Variants in SH3GL2 observed in about 807,000 individuals in gnomAD.
SH3GL2 encodes endophilin-A1.
Under a neutral mutation model 46.0 loss-of-function variants are expected in SH3GL2, and 24 were observed. The observed-to-expected ratio is 0.52, with a 90% CI of 0.38 to 0.73. The LOEUF (loss-of-function observed/expected upper bound fraction) is 0.73. Among genes scored for constraint, SH3GL2 ranks in the 30% least tolerant of loss-of-function variants. The pLI, the probability that SH3GL2 is intolerant of heterozygous loss-of-function variation, is 0.00. For synonymous variants in SH3GL2, 196 were observed against 147.1 expected (o/e 1.33, Z -2.40); for missense variants, 413 against 424.2 (o/e 0.97, Z 0.23).
chr9:17,710,838 G>A (rs902443401), intron 1 of SH3GL2, among the ~76,000 whole-genome samples: 1 of 151,860 alleles, frequency 6.6e-6, no homozygotes, highest in Admixed American at 6.6e-5. Flanking sequence ...TTATCTGCAA[G>A]GGGTATGTTC....
intron 1 of SH3GL2, among the ~76,000 whole-genome samples, chr9:17,741,698 G>A (rs1157241170): frequency 6.6e-6 from 1 of 152,172 alleles, no homozygotes; most frequent in African/African-American, 2.4e-5. Context: ...CAAGCGCTGT[G>A]TTAATTACTG....
Position 17,678,490 on chromosome 9 carries a change from C to T in SH3GL2, c.46-68576C>T, listed in dbSNP as rs535383732. 1.3e-3 allele frequency among the ~76,000 whole-genome samples: 197 copies of T among 151,924 alleles called. 1 individual carries two copies. The highest frequency in any genetic ancestry group is 1.7e-3 in the Non-Finnish European group (113 of 67,936). On this transcript the variant is annotated intron_variant, in intron 1 of 8. Transcript: ENST00000380607. Reference sequence around the variant, plus strand: ...CACTTTTTGATGGGGTTGTTTTTTTCTTGTAAATTTGCTTGAGTTCATTGT... The same window carrying T: ...CACTTTTTGATGGGGTTGTTTTTTTTTTGTAAATTTGCTTGAGTTCATTGT...
Position 17,793,379 on chromosome 9 carries a change from T to C in SH3GL2, c.741T>C (p.Ala247=). ...CTTTTTACTGCAGAATAAGACAGGC[T>C]TCATCTCAGCCTAGAAGGGAATATC... ...TVRLEERIRQ[A]SSQPRREYQP... is the part of the protein sequence containing the mutation. Residue 247 remains alanine, a synonymous_variant, in exon 8 of 9, where the codon GCT becomes GCC. Coordinates refer to ENST00000380607, the MANE Select transcript of SH3GL2 (RefSeq NM_003026.5). 3 of 1,612,240 alleles carry C rather than the reference T, an allele frequency of 1.9e-6. No individual in the cohort carries two copies. Among genetic ancestry groups the C allele is most frequent in the South Asian group, 1.1e-5 (1 of 90,760 alleles).
At chr9:17,674,564 A>G (rs188467817) in intron 1 of SH3GL2, among the ~76,000 whole-genome samples, 5 of 152,162 alleles carry the variant, frequency 3.3e-5, no homozygotes, top group African/African-American at 9.6e-5. Context: ...GCCCAAAGCA[A>G]TGAACATGTT....
chr9:17,667,942 T>C (rs917791879), intron 1 of SH3GL2, among the ~76,000 whole-genome samples: 2 of 152,230 alleles, frequency 1.3e-5, no homozygotes. Flanking sequence ...ATTGGTCATT[T>C]GTATGTTTTA....
chr9:17,661,641 T>C (rs528710868), intron 1 of SH3GL2, among the ~76,000 whole-genome samples: 2 of 152,326 alleles, frequency 1.3e-5, no homozygotes, highest in South Asian at 4.1e-4. Context: ...AACAGGATGG[T>C]ACTACATAAA....
chr9:17,784,775 C>A (rs982395238), intron 3 of SH3GL2, among the ~76,000 whole-genome samples: 5 of 152,104 alleles, frequency 3.3e-5, no homozygotes, highest in African/African-American at 1.2e-4. Context: ...TGGAGTGGCA[C>A]CATCATAGCT....
intron 3 of SH3GL2, among the ~76,000 whole-genome samples, chr9:17,786,008 C>T (rs1395405338): frequency 1.3e-5 from 2 of 152,106 alleles, no homozygotes; most frequent in East Asian, 1.9e-4. Flanking sequence ...TAGAGATCAT[C>T]ACATAATTCG....
intron 3 of SH3GL2, among the ~76,000 whole-genome samples, chr9:17,777,582 T>A (rs556587349): frequency 6.6e-6 from 1 of 152,226 alleles, no homozygotes; most frequent in East Asian, 1.9e-4. Context: ...TAGTCCAAGA[T>A]CAAGTTGCTT....
chr9:17,736,317 A>G (rs921820328), intron 1 of SH3GL2, among the ~76,000 whole-genome samples: 19 of 152,232 alleles, frequency 1.2e-4, no homozygotes, highest in African/African-American at 2.4e-4. Flanking sequence ...ACAGGAATCC[A>G]TCTTTCTGAG....
chr9:17,791,197 A>G (rs777239745), intron 6 of SH3GL2, 34 bp from the exon 7 acceptor site: 15 of 1,491,758 alleles, frequency 1.0e-5, no homozygotes, highest in Non-Finnish European at 1.3e-5. Flanking sequence ...GGTAACGTGT[A>G]AAACTAAGGC....
intron 1 of SH3GL2, among the ~76,000 whole-genome samples, chr9:17,731,373 T>C (rs1588281833): frequency 6.8e-6 from 1 of 147,470 alleles, no homozygotes; most frequent in African/African-American, 2.6e-5. Context: ...ATTTGTGCCC[T>C]TAAAAGAAGA....
In SH3GL2 at chr9:17,632,002, T is replaced by C. The variant is rs565254679; in HGVS notation, c.45+52715T>C. On this transcript the variant is annotated intron_variant, in intron 1 of 8. Coordinates refer to ENST00000380607, the MANE Select transcript of SH3GL2 (RefSeq NM_003026.5). ...ACAGAATATTCCTTTTAGGGTTCAGTATCTGCTTTTCAGGGTTATTTCTGG... is the reference window on the plus strand; with the variant it reads ...ACAGAATATTCCTTTTAGGGTTCAGCATCTGCTTTTCAGGGTTATTTCTGG... 3.3e-4 allele frequency among the ~76,000 whole-genome samples: 51 copies of C among 152,294 alleles called. 1 individual carries two copies. The highest frequency in any genetic ancestry group is 1.9e-3 in the South Asian group (9 of 4,832).
At chr9:17,584,189 C>A (rs1263155410) in intron 1 of SH3GL2, among the ~76,000 whole-genome samples, 1 of 152,160 alleles carries the variant, frequency 6.6e-6, no homozygotes, top group Non-Finnish European at 1.5e-5. Context: ...CTAATTGCTG[C>A]CCCTTCCTCC....
intron 1 of SH3GL2, among the ~76,000 whole-genome samples, chr9:17,653,618 G>C (rs540225147): frequency 8.3e-4 from 126 of 152,292 alleles, no homozygotes; most frequent in African/African-American, 2.7e-3. Flanking sequence ...CCAAGTCCAA[G>C]TGCTGCCAAT....
intron 1 of SH3GL2, among the ~76,000 whole-genome samples, chr9:17,629,364 G>C (rs1819367421): frequency 6.6e-6 from 1 of 152,092 alleles, no homozygotes; most frequent in South Asian, 2.1e-4. Context: ...ATGCAGCTTG[G>C]GTGGATCCAC....
intron 7 of SH3GL2, among the ~76,000 whole-genome samples, chr9:17,791,865 A>G (rs929612971): frequency 2.0e-5 from 3 of 152,206 alleles, no homozygotes; most frequent in Admixed American, 2.0e-4. Context: ...CTGCCATCAG[A>G]GAGAGCTACT....
chr9:17,583,651 A>AT (rs943691415), intron 1 of SH3GL2, among the ~76,000 whole-genome samples: 15 of 152,162 alleles, frequency 9.9e-5, no homozygotes, highest in Non-Finnish European at 1.9e-4. Context: ...GTGTTTTCTG[A>AT]TTTTTTTAAA....
chr9:17,757,813 G>T (rs1823043747), intron 2 of SH3GL2, among the ~76,000 whole-genome samples: 1 of 152,118 alleles, frequency 6.6e-6, no homozygotes, highest in South Asian at 2.1e-4. Context: ...AGTTAATCAG[G>T]CCTGTTACTA....
Sources: gnomAD v4.1 joint callset for allele counts (sites outside exome capture counted in the v4.1 genomes callset) on GRCh38, gnomAD v4.1.1 for gene constraint, MANE v1.5 for transcripts, NCBI Gene and HGNC (gene_info 2026-07-23, HGNC 2026-07-21) for gene names.